RIMS1: variants seen among roughly 807,000 people sequenced by gnomAD.
RIMS1 encodes regulating synaptic membrane exocytosis protein 1.
Under a neutral mutation model 214.1 loss-of-function variants are expected in RIMS1, and 83 were observed. The ratio of observed to expected loss-of-function variants is 0.39; its 90% CI spans 0.32 to 0.47. RIMS1 has a LOEUF of 0.47. RIMS1 is among the 20% of genes least tolerant of loss of function. The pLI is 0.99. For missense variants in RIMS1, 2,050 were observed against 2,161.8 expected (o/e 0.95, Z 1.03); for synonymous variants, 793 against 786.8 (o/e 1.01, Z -0.13).
intron 28 of RIMS1, among the ~76,000 whole-genome samples, chr6:72,326,967 C>G (rs1267524656): frequency 6.6e-6 from 1 of 151,632 alleles, no homozygotes; most frequent in East Asian, 1.9e-4. Context: ...CCTTTGATGA[C>G]AGAGGAAGGG....
chr6:72,196,580 C>CTTTTTTTTTTTTTTTTTTTTTTTT lies in RIMS1; in HGVS notation c.1678+13454_1678+13455insTTTTTTTTTTTTTTTTTTTTTTTT, dbSNP rs61651151. Among the ~76,000 whole-genome samples the CTTTTTTTTTTTTTTTTTTTTTTTT allele has an allele frequency of 6.8e-4, 39 of 57,202 alleles. 11 individuals carry two copies. Among genetic ancestry groups the CTTTTTTTTTTTTTTTTTTTTTTTT allele is most frequent in the African/African-American group, 2.4e-3 (31 of 12,666 alleles). The allele number at this position is 57,202 out of a possible 152,430, so 37.5% of individuals were successfully genotyped here. A position where few individuals can be genotyped will look rare whatever the true frequency, so the allele number is the denominator to read the frequency against. Reference sequence around the variant, plus strand: ...AGTACTGTGCTGGCAGCCAGCTGCACTTTTTTTTTTTTTTTTTTTTTTTAC... The same window carrying CTTTTTTTTTTTTTTTTTTTTTTTT: ...AGTACTGTGCTGGCAGCCAGCTGCACTTTTTTTTTTTTTTTTTTTTTTTTTTTTTTTTTTTTTTTTTTTTTTTAC... On this transcript the variant is annotated intron_variant, in intron 6 of 33. Transcript: ENST00000521978.
At chr6:71,936,098 C>G (rs1040954855) in intron 1 of RIMS1, among the ~76,000 whole-genome samples, 1 of 151,548 alleles carries the variant, frequency 6.6e-6, no homozygotes, top group Non-Finnish European at 1.5e-5. Context: ...CGCCTGTAAT[C>G]CCAGCACTTT....
At chr6:72,283,588 C>A (rs189427868) in intron 23 of RIMS1, among the ~76,000 whole-genome samples, 6 of 151,900 alleles carry the variant, frequency 3.9e-5, no homozygotes, top group African/African-American at 1.4e-4. Context: ...TTGTGGGGGA[C>A]AAATCAAAAA....
At chr6:72,046,779 T>G (rs576554251) in intron 2 of RIMS1, among the ~76,000 whole-genome samples, 7 of 152,230 alleles carry the variant, frequency 4.6e-5, no homozygotes, top group African/African-American at 1.7e-4. Context: ...AGCCAATAGA[T>G]CATATAAAAT....
chr6:71,957,717 A>C (rs374321351), intron 1 of RIMS1, among the ~76,000 whole-genome samples: 2 of 150,728 alleles, frequency 1.3e-5, no homozygotes, highest in Admixed American at 6.6e-5. Context: ...ACACTAAATG[A>C]CATGACAGTG....
chr6:71,948,320 A>G (rs572648474), intron 1 of RIMS1, among the ~76,000 whole-genome samples: 1 of 152,292 alleles, frequency 6.6e-6, no homozygotes, highest in South Asian at 2.1e-4. Context: ...AATCTCTTAA[A>G]TTAGGCATGA....
chr6:72,224,168 G>C (rs1010536623), intron 6 of RIMS1, among the ~76,000 whole-genome samples: 1 of 152,216 alleles, frequency 6.6e-6, no homozygotes, highest in Non-Finnish European at 1.5e-5. Flanking sequence ...TGTAGGTGCA[G>C]TGAGGGGAGA....
rs144867168 is a variant in RIMS1 at position 72,253,046 on chromosome 6, G to A, written c.2770+214G>A. On this transcript the variant is annotated intron_variant, in intron 16 of 33. Coordinates refer to ENST00000521978, the MANE Select transcript of RIMS1 (RefSeq NM_014989.7). ...AGCATTCCCATAGTGAGGTTCTTCC[G>A]TAGAAACATGTCTAACTAGTGAAAC... Among the ~76,000 whole-genome samples the A allele has an allele frequency of 3.2e-3, 493 of 152,228 alleles. 2 individuals carry two copies. Among genetic ancestry groups the A allele is most frequent in the African/African-American group, 0.011 (473 of 41,544 alleles).
intron 1 of RIMS1, among the ~76,000 whole-genome samples, chr6:71,899,475 T>C (rs149791891): frequency 3.0e-3 from 434 of 143,810 alleles, no homozygotes; most frequent in African/African-American, 0.011. Context: ...TGTATTTGTA[T>C]ACACACACAC....
At chr6:72,212,677 C>A in intron 6 of RIMS1, 1 of 335,244 alleles carries the variant, frequency 3.0e-6, no homozygotes, top group Non-Finnish European at 4.2e-6. Flanking sequence ...ACAAAGGACA[C>A]TAGTTAGAGT....
chr6:71,925,895 G>C (rs1781439197), intron 1 of RIMS1, among the ~76,000 whole-genome samples: 1 of 152,040 alleles, frequency 6.6e-6, no homozygotes. Flanking sequence ...TTTTTTACAA[G>C]AAATGTTTTT....
chr6:72,345,717 G>A (rs771821397), intron 29 of RIMS1, among the ~76,000 whole-genome samples: 10 of 151,644 alleles, frequency 6.6e-5, no homozygotes, highest in African/African-American at 2.4e-4. Flanking sequence ...ACACCATCAC[G>A]GGATGCTTGT....
chr6:72,236,953 C>A (rs1281101962), intron 8 of RIMS1, among the ~76,000 whole-genome samples: 8 of 152,108 alleles, frequency 5.3e-5, no homozygotes, highest in African/African-American at 1.7e-4. Flanking sequence ...AATCTCAACA[C>A]TTTGGAAGGC....
intron 16 of RIMS1, among the ~76,000 whole-genome samples, chr6:72,257,048 C>T (rs1024959177): frequency 6.6e-6 from 1 of 151,926 alleles, no homozygotes; most frequent in South Asian, 2.1e-4. Flanking sequence ...CTGCTAGGGA[C>T]TATTAGCCTG....
intron 13 of RIMS1, 74 bp from the exon 14 acceptor site, chr6:72,250,847 C>A: frequency 1.4e-6 from 1 of 726,922 alleles, no homozygotes; most frequent in Non-Finnish European, 2.2e-6. Flanking sequence ...ATATCAATGG[C>A]AGTTTTACAT....
intron 6 of RIMS1, among the ~76,000 whole-genome samples, chr6:72,193,684 C>T (rs2463714): frequency 0.98 from 149,732 of 152,292 alleles, 73,654 homozygotes; most frequent in East Asian, 1. Flanking sequence ...ATTAGCACAA[C>T]TGAAATAAAA....
At chr6:71,935,452 AC>A (rs1304640005) in intron 1 of RIMS1, among the ~76,000 whole-genome samples, 1 of 152,252 alleles carries the variant, frequency 6.6e-6, no homozygotes, top group East Asian at 1.9e-4. Flanking sequence ...TAAGAAAAAA[AC>A]AAAAAATTTA....
At chr6:72,162,857 T>C (rs2045657563) in intron 4 of RIMS1, among the ~76,000 whole-genome samples, 1 of 139,528 alleles carries the variant, frequency 7.2e-6, no homozygotes, top group African/African-American at 2.5e-5. Context: ...AATCTGACAA[T>C]TATGTGTCTT....
At position 71,978,396 on chromosome 6, in the gene RIMS1, T is replaced by C. The variant is rs570297443; in HGVS notation, c.245+9333T>C. 9.2e-5 allele frequency among the ~76,000 whole-genome samples: 14 copies of C among 152,256 alleles called. No homozygotes were observed. The East Asian group carries it at 2.5e-3, about 27-fold the overall frequency. Reference sequence around the variant, plus strand: ...AAAGACTGCTAGATTTTTCCACTTATTTAAACTTATTTAAAATTTTTTATT... The same window carrying C: ...AAAGACTGCTAGATTTTTCCACTTACTTAAACTTATTTAAAATTTTTTATT... On this transcript the variant is annotated intron_variant, in intron 2 of 33. Transcript: ENST00000521978.
Sources: gnomAD v4.1 joint callset for allele counts (sites outside exome capture counted in the v4.1 genomes callset) on GRCh38, gnomAD v4.1.1 for gene constraint, MANE v1.5 for transcripts, NCBI Gene and HGNC (gene_info 2026-07-23, HGNC 2026-07-21) for gene names.